DAB1: variants seen among roughly 807,000 people sequenced by gnomAD.
DAB1 encodes the protein DAB adaptor protein 1.
In DAB1, 15 loss-of-function variants were observed where a neutral mutation model predicts 64.6. The ratio of observed to expected loss-of-function variants is 0.23; its 90% CI spans 0.16 to 0.36. The LOEUF is 0.36. Ranked by LOEUF, DAB1 falls within the 10% of genes least tolerant of loss-of-function variation. The probability of loss-of-function intolerance (pLI) is 1.00; values close to 1 mark genes in which losing one functional copy is unlikely to be tolerated. For synonymous variants in DAB1, 235 were observed against 251.9 expected (o/e 0.93, Z 0.64); for missense variants, 596 against 706.7 (o/e 0.84, Z 1.78).
chr1:57,553,455 A>AGG, intron 7 of DAB1, among the ~76,000 whole-genome samples: 4 of 134,654 alleles, frequency 3.0e-5, no homozygotes, highest in African/African-American at 1.1e-4. Flanking sequence ...AAAGAAAGAA[A>AGG]GAAAGAGAAA....
At chr1:57,217,786 T>G (rs1448000457) in intron 2 of DAB1, among the ~76,000 whole-genome samples, 2 of 152,050 alleles carry the variant, frequency 1.3e-5, no homozygotes, top group Non-Finnish European at 2.9e-5. Context: ...AAGAATAAAT[T>G]ATTGAACTTG....
chr1:57,978,575 T>A (rs577192256), intron 5 of DAB1, among the ~76,000 whole-genome samples: 3 of 152,142 alleles, frequency 2.0e-5, no homozygotes, highest in Non-Finnish European at 4.4e-5. Flanking sequence ...TGGGATCTAA[T>A]TAAACTAAAC....
At chr1:57,085,394 GTCTGCATCAAATACCTAGGCAT>G (rs1001243769) in intron 4 of DAB1, among the ~76,000 whole-genome samples, 2 of 152,210 alleles carry the variant, frequency 1.3e-5, no homozygotes, top group Non-Finnish European at 2.9e-5. Context: ...AAGCTAGGCT[GTCTGCATCAAATACCTAGGCAT>G]TCTGCATCAA....
intron 5 of DAB1, among the ~76,000 whole-genome samples, chr1:57,913,174 T>G (rs1273397552): frequency 6.6e-6 from 1 of 152,118 alleles, no homozygotes; most frequent in African/African-American, 2.4e-5. Flanking sequence ...GGAGGCATCA[T>G]GCTACCTGAC....
intron 2 of DAB1, among the ~76,000 whole-genome samples, chr1:57,289,096 G>T (rs1174554761): frequency 6.6e-6 from 1 of 152,104 alleles, no homozygotes; most frequent in Admixed American, 6.5e-5. Flanking sequence ...GTATTATGTT[G>T]ATTTCAGAGT....
intron 6 of DAB1, among the ~76,000 whole-genome samples, chr1:57,816,052 T>C (rs558998710): frequency 2.5e-4 from 38 of 152,298 alleles, no homozygotes; most frequent in Admixed American, 9.8e-4. Context: ...GTTTCTCTGC[T>C]GTGTGCCAAC....
chr1:57,189,227 A>C (rs1325156334), intron 2 of DAB1, among the ~76,000 whole-genome samples: 3 of 152,208 alleles, frequency 2.0e-5, no homozygotes, highest in Non-Finnish European at 4.4e-5. Flanking sequence ...GTTTCACCAC[A>C]AGATATAATA....
intron 6 of DAB1, among the ~76,000 whole-genome samples, chr1:57,657,539 T>C (rs1040303401): frequency 1.3e-5 from 2 of 152,174 alleles, no homozygotes; most frequent in African/African-American, 4.8e-5. Flanking sequence ...AGAACAGTCA[T>C]GTTGCATCTA....
intron 5 of DAB1, among the ~76,000 whole-genome samples, chr1:58,052,529 C>A (rs1406921286): frequency 6.6e-6 from 1 of 152,156 alleles, no homozygotes; most frequent in Non-Finnish European, 1.5e-5. Context: ...GCAATGCAGG[C>A]TCTTTTTTGG....
intron 7 of DAB1, among the ~76,000 whole-genome samples, chr1:57,516,937 A>T (rs1263473795): frequency 6.6e-6 from 1 of 152,254 alleles, no homozygotes; most frequent in East Asian, 1.9e-4. Flanking sequence ...TGGTAATAGC[A>T]AGATAAATGA....
chr1:57,394,558 A>T (rs906770687), intron 1 of DAB1, among the ~76,000 whole-genome samples: 1 of 152,238 alleles, frequency 6.6e-6, no homozygotes, highest in African/African-American at 2.4e-5. Context: ...TTCGCACAGA[A>T]GGAAATGCTT....
At chr1:58,493,547 C>T (rs943564523) in intron 3 of DAB1, among the ~76,000 whole-genome samples, 16 of 151,370 alleles carry the variant, frequency 1.1e-4, no homozygotes, top group African/African-American at 3.6e-4. Context: ...TCTCCTTAAG[C>T]TGATAAGCAA....
chr1:57,592,759 C>A (rs1645460028), intron 7 of DAB1, among the ~76,000 whole-genome samples: 1 of 152,172 alleles, frequency 6.6e-6, no homozygotes, highest in South Asian at 2.1e-4. Flanking sequence ...GTTGCAGAAG[C>A]TGCAAGTCTA....
chr1:58,314,757 A>AT (rs1362081149), intron 4 of DAB1, among the ~76,000 whole-genome samples: 4 of 152,270 alleles, frequency 2.6e-5, no homozygotes, highest in African/African-American at 7.2e-5. Context: ...GACAACAGAG[A>AT]TTTTTTGTCT....
rs556091161 is a variant in DAB1 at position 57,300,421 on chromosome 1, G to C, written c.-136-9255C>G. Among the ~76,000 whole-genome samples, 4 of 152,310 alleles carry C rather than the reference G, an allele frequency of 2.6e-5. No individual in the cohort carries two copies. In the East Asian group the frequency reaches 7.7e-4, roughly 29 times the overall value. ...AGGGTGGAGCAAGGCAGAGTTAACA[G>C]GGGGGATGCAGACGGAAGACTTCCA... On this transcript the variant is annotated intron_variant, in intron 1 of 14. Transcript: ENST00000371236.
intron 1 of DAB1, among the ~76,000 whole-genome samples, chr1:57,834,664 T>C (rs1652732373): frequency 6.6e-6 from 1 of 151,568 alleles, no homozygotes; most frequent in African/African-American, 2.4e-5. Flanking sequence ...CACATATACG[T>C]ATGTGTACAT....
At chr1:57,269,450 C>G (rs1670824791) in intron 2 of DAB1, among the ~76,000 whole-genome samples, 1 of 151,946 alleles carries the variant, frequency 6.6e-6, no homozygotes, top group Non-Finnish European at 1.5e-5. Context: ...CTCTGTGGCT[C>G]TCTTTGGTAA....
intron 3 of DAB1, among the ~76,000 whole-genome samples, chr1:58,477,000 T>C (rs1021364066): frequency 5.3e-5 from 8 of 152,332 alleles, no homozygotes; most frequent in African/African-American, 1.7e-4. Context: ...TCCAGGTAAG[T>C]GGAGGTAACA....
intron 5 of DAB1, among the ~76,000 whole-genome samples, chr1:58,088,283 T>G (rs762773660): frequency 6.6e-6 from 1 of 152,224 alleles, no homozygotes; most frequent in African/African-American, 2.4e-5. Context: ...TTATAGAGTA[T>G]ATTTTGAAAG....
Sources: gnomAD v4.1 joint callset for allele counts (sites outside exome capture counted in the v4.1 genomes callset) on GRCh38, gnomAD v4.1.1 for gene constraint, MANE v1.5 for transcripts, NCBI Gene and HGNC (gene_info 2026-07-23, HGNC 2026-07-21) for gene names.